Variants in DSCAM observed in about 807,000 individuals in gnomAD.
DSCAM encodes the protein DS cell adhesion molecule, also known as cell adhesion molecule DSCAM.
A neutral mutation model predicts 217.7 loss-of-function variants in DSCAM; 47 were observed. The ratio of observed to expected loss-of-function variants is 0.22; its 90% CI spans 0.17 to 0.28. The LOEUF (loss-of-function observed/expected upper bound fraction) is 0.28. Among genes scored for constraint, DSCAM ranks in the 10% least tolerant of loss-of-function variants. DSCAM has a pLI of 1.00. For missense variants in DSCAM, 2,080 were observed against 2,618.3 expected, an observed-to-expected ratio of 0.79 and a Z score of 4.49; for synonymous variants, 1,056 against 1,015.3, an observed-to-expected ratio of 1.04 and a Z score of -0.76.
At chr21:40,140,932 GGC>G (rs1456188100) in intron 18 of DSCAM, among the ~76,000 whole-genome samples, 1 of 40,978 alleles carries the variant, frequency 2.4e-5, no homozygotes, top group African/African-American at 4.5e-5. Flanking sequence ...GACCAAGGAG[GGC>G]GGGGGGGGGT....
chr21:40,809,849 C>A (rs2123537105), intron 1 of DSCAM, among the ~76,000 whole-genome samples: 1 of 152,302 alleles, frequency 6.6e-6, no homozygotes, highest in Admixed American at 6.5e-5. Context: ...TTGCACGTGA[C>A]TCACTCACAA....
chr21:40,498,590 C>G (rs1444737716), intron 3 of DSCAM, among the ~76,000 whole-genome samples: 2 of 141,926 alleles, frequency 1.4e-5, no homozygotes, highest in South Asian at 4.5e-4. Flanking sequence ...AATATATATA[C>G]AGTATGTGTA....
At chr21:40,540,027 T>G (rs555755913) in intron 3 of DSCAM, among the ~76,000 whole-genome samples, 6 of 152,206 alleles carry the variant, frequency 3.9e-5, no homozygotes, top group Non-Finnish European at 8.8e-5. Context: ...TTGTTTCTAT[T>G]GAGTTGCATT....
chr21:40,570,728 A>G (rs1050611574), intron 3 of DSCAM, among the ~76,000 whole-genome samples: 2 of 152,222 alleles, frequency 1.3e-5, no homozygotes, highest in African/African-American at 4.8e-5. Flanking sequence ...ACGTAACTGT[A>G]TGATACTAGG....
At chr21:40,362,335 T>C (rs776994579) in intron 4 of DSCAM, among the ~76,000 whole-genome samples, 11 of 152,212 alleles carry the variant, frequency 7.2e-5, no homozygotes, top group Non-Finnish European at 1.3e-4. Context: ...AATTTGCTTG[T>C]CCATGTCATC....
At chr21:40,592,750 C>G (rs1478292830) in intron 3 of DSCAM, among the ~76,000 whole-genome samples, 2 of 152,188 alleles carry the variant, frequency 1.3e-5, no homozygotes, top group Non-Finnish European at 2.9e-5. Context: ...CAGCATCACT[C>G]TGGGTTATTT....
At chr21:40,469,133 A>C (rs1399224299) in intron 3 of DSCAM, among the ~76,000 whole-genome samples, 1 of 152,236 alleles carries the variant, frequency 6.6e-6, no homozygotes, top group Non-Finnish European at 1.5e-5. Context: ...AATCAGAACT[A>C]TAACAACCCC....
At chr21:40,200,682 C>T (rs1355088523) in intron 11 of DSCAM, among the ~76,000 whole-genome samples, 1 of 152,156 alleles carries the variant, frequency 6.6e-6, no homozygotes, top group East Asian at 1.9e-4. Flanking sequence ...TCTTCTCAAG[C>T]CATTCAAAGG....
intron 3 of DSCAM, among the ~76,000 whole-genome samples, chr21:40,636,569 CT>C (rs1416549128): frequency 1.3e-5 from 2 of 152,088 alleles, no homozygotes; most frequent in Non-Finnish European, 2.9e-5. Context: ...ATAACCATTC[CT>C]TTTTCCAGGG....
intron 11 of DSCAM, among the ~76,000 whole-genome samples, chr21:40,250,955 A>G (rs892799777): frequency 1.3e-5 from 2 of 152,182 alleles, no homozygotes; most frequent in East Asian, 3.8e-4. Context: ...GGCACTGATA[A>G]CACCACAGAG....
chr21:40,403,157 C>A (rs2075252224), intron 3 of DSCAM, among the ~76,000 whole-genome samples: 1 of 152,048 alleles, frequency 6.6e-6, no homozygotes, highest in Admixed American at 6.5e-5. Flanking sequence ...TTAGAAAGGA[C>A]ATAATTATTA....
chr21:40,085,635 A>G lies in DSCAM; in HGVS notation c.4099T>C (p.Ser1367Pro). 6.3e-7 allele frequency: 1 copy of G among 1,577,380 alleles called. No individual in the cohort carries two copies. Residue 1367 changes from serine (S) to proline (P), a missense_variant, in exon 23 of 33, where the codon TCT becomes CCT. Around this residue, in one of 5 missense-constraint regions of DSCAM, gnomAD observed 1,144 missense variants for 1,421.1 expected, o/e 0.81. Coordinates refer to ENST00000400454, the MANE Select transcript of DSCAM (RefSeq NM_001389.5). ...TGTAAGTTTAAAATAATTTCATCAG[A>G]TCCCCAGTTGTTATTGGCAATGCAG... ...YSCIANNNWG[S>P]DEIILNLQVQ... is the part of the protein sequence containing the mutation.
rs2090304933 is a variant in DSCAM at position 40,142,555 on chromosome 21, T to A, written c.3406+3A>T. The A allele has an allele frequency of 6.2e-7, 1 of 1,613,940 alleles. No individual in the cohort carries two copies. Among genetic ancestry groups the A allele is most frequent in the African/African-American group, 1.3e-5 (1 of 74,934 alleles). ...ACCCAAAGTCCTAGTTTAGTCCTCT[T>A]ACCTCCGTCCATGAGGTTGGCCCAG... is the stretch of plus-strand genomic sequence containing the variant. On this transcript the variant is annotated splice_donor_region_variant and intron_variant, in intron 18 of 32. Transcript: ENST00000400454.
chr21:40,224,848 T>C (rs1164962231), intron 11 of DSCAM, among the ~76,000 whole-genome samples: 1 of 152,198 alleles, frequency 6.6e-6, no homozygotes, highest in African/African-American at 2.4e-5. Flanking sequence ...AATATTCAAG[T>C]TAAAAAGGAC....
At chr21:40,697,158 T>C (rs992214397) in intron 2 of DSCAM, among the ~76,000 whole-genome samples, 1 of 152,152 alleles carries the variant, frequency 6.6e-6, no homozygotes. Flanking sequence ...TGAAAACATG[T>C]AATGTGTGTC....
chr21:40,719,447 T>G (rs937193813), intron 1 of DSCAM, among the ~76,000 whole-genome samples: 7 of 152,188 alleles, frequency 4.6e-5, no homozygotes, highest in African/African-American at 7.2e-5. Flanking sequence ...ATTTCACTCC[T>G]AAGTATTTAT....
intron 3 of DSCAM, among the ~76,000 whole-genome samples, chr21:40,628,551 G>A (rs1483877183): frequency 6.6e-6 from 1 of 152,078 alleles, no homozygotes; most frequent in Admixed American, 6.6e-5. Flanking sequence ...CACTGCAGTG[G>A]CAGAGTTATG....
chr21:40,799,871 C>A (rs753706089), intron 1 of DSCAM, among the ~76,000 whole-genome samples: 4 of 152,164 alleles, frequency 2.6e-5, no homozygotes, highest in Admixed American at 2.6e-4. Context: ...TATAAGGTAG[C>A]ATTTACAGGT....
intron 19 of DSCAM, 78 bp from the exon 20 acceptor site, chr21:40,124,406 A>C: frequency 1.3e-6 from 2 of 1,566,658 alleles, no homozygotes; most frequent in African/African-American, 2.7e-5. Context: ...ACATGACCCC[A>C]CTCCGCACTT....
Sources: allele counts gnomAD v4.1 joint callset (sites outside exome capture counted in the v4.1 genomes callset), GRCh38; gene constraint gnomAD v4.1.1; regional missense constraint gnomAD v4.1.1; transcripts MANE v1.5; gene names NCBI Gene and HGNC (gene_info 2026-07-23, HGNC 2026-07-21).